The following COL6A2 variants were observed in gnomAD, a reference collection of about 807,000 sequenced individuals.
COL6A2 encodes the protein collagen alpha-2(VI) chain.
COL6A2 carries 90 observed loss-of-function variants against 124.9 expected under a neutral mutation model. That is an observed-to-expected ratio of 0.72 (90% CI 0.61 to 0.86). The LOEUF is 0.86. Ranked by LOEUF, COL6A2 falls within the 40% of genes least tolerant of loss-of-function variation. The pLI is 0.00. For synonymous variants in COL6A2, 793 were observed against 618.2 expected (o/e 1.28, Z -4.19); for missense variants, 1,607 against 1,502.5 (o/e 1.07, Z -1.15).
At position 46,112,112 on chromosome 21, in the gene COL6A2, C is replaced by T. The variant is rs151032529; in HGVS notation, c.249C>T (p.Asn83=). 7.4e-5 allele frequency: 120 copies of T among 1,613,114 alleles called. No individual in the cohort carries two copies. Among genetic ancestry groups the T allele is most frequent in the Non-Finnish European group, 8.9e-5 (105 of 1,180,058 alleles). ...FVPQFISQLQ[N]EFYLDQVALS... The stretch of plus-strand genomic sequence containing the variant: ...CGCAGTTCATCAGCCAGCTGCAGAA[C>T]GAGTTCTACCTGGACCAGGTGGCGC... The change falls in exon 3 of 28, where the codon AAC becomes AAT. Residue 83 remains asparagine, a synonymous_variant. Coordinates refer to ENST00000300527, the MANE Select transcript of COL6A2 (RefSeq NM_001849.4).
chr21:46,116,923 G>GCATACA lies in COL6A2; in HGVS notation c.999+112_999+117dup, dbSNP rs2078480928. ...TGTCAGCTTACACATGTGTACACACGCATACACACACACACACACACACAC... is the reference window on the plus strand; with the variant it reads ...TGTCAGCTTACACATGTGTACACACGCATACACATACACACACACACACACACACAC... On this transcript the variant is annotated intron_variant, in intron 10 of 27. Transcript: ENST00000300527. This position sits in a 1 kb window ranked among gnomAD's most constrained non-coding sequence, Gnocchi z 4.6. The GCATACA allele has an allele frequency of 3.1e-6, 2 of 643,316 alleles. No homozygotes were observed. Among genetic ancestry groups the GCATACA allele is most frequent in the African/African-American group, 3.4e-5 (1 of 29,752 alleles). 39.9% of individuals were successfully genotyped at this position (643,316 alleles called of 1,614,324 possible). A position where few individuals can be genotyped will look rare whatever the true frequency, so the allele number is the denominator to read the frequency against.
chr21:46,116,673 G>T lies in COL6A2; in HGVS notation c.950G>T (p.Arg317Leu). Reference protein sequence around the residue: ...GEKGEFGADGRKGAPGLAGKN... With the variant: ...GEKGEFGADGLKGAPGLAGKN... ...CAGGGTGAATTTGGAGCCGACGGTCGCAAGGTAGGCTGGCTGGGTAGGCAG... is the reference window on the plus strand; with the variant it reads ...CAGGGTGAATTTGGAGCCGACGGTCTCAAGGTAGGCTGGCTGGGTAGGCAG... Residue 317 changes from arginine to leucine, a missense_variant, in exon 9 of 28, where the codon CGC becomes CTC. Arg to Leu is a moderately radical substitution (Grantham distance 102, BLOSUM62 -2). Transcript: ENST00000300527. The surrounding 1 kb of genome is among the most constrained non-coding windows in gnomAD (Gnocchi z 4.6). The T allele has an allele frequency of 1.9e-6, 3 of 1,613,074 alleles. No homozygotes were observed. The highest frequency in any genetic ancestry group is 2.5e-6 in the Non-Finnish European group (3 of 1,180,024).
In COL6A2 at chr21:46,119,028, A is replaced by G. The variant is rs1601232289; in HGVS notation, c.1180-2A>G. ...TGACTGTGCTGTCCTCTCCTTCTTC[A>G]GGGGTATCAAGGCAACAGTGGAGCC... On this transcript the variant is annotated splice_acceptor_variant, in intron 13 of 27. Coordinates refer to ENST00000300527, the MANE Select transcript of COL6A2 (RefSeq NM_001849.4). LOFTEE classifies it high-confidence loss of function. 3 of 1,608,606 alleles carry G rather than the reference A, an allele frequency of 1.9e-6. No individual in the cohort carries two copies. Among genetic ancestry groups the G allele is most frequent in the Non-Finnish European group, 2.6e-6 (3 of 1,176,154 alleles).
At chr21:46,104,908 T>C (rs1353559937) in intron 1 of COL6A2, among the ~76,000 whole-genome samples, 1 of 152,196 alleles carries the variant, frequency 6.6e-6, no homozygotes, top group Non-Finnish European at 1.5e-5. Context: ...AAAAACTGTC[T>C]ACCAAGAAGC....
intron 16 of COL6A2, 69 bp downstream of exon 16, chr21:46,120,646 A>T: frequency 7.3e-7 from 1 of 1,374,816 alleles, no homozygotes; most frequent in Non-Finnish European, 9.7e-7. Flanking sequence ...CTGCACCCCA[A>T]GGTAGGGTGG....
intron 27 of COL6A2, chr21:46,129,510 G>C (rs1020315136): frequency 6.2e-5 from 95 of 1,532,044 alleles, no homozygotes; most frequent in African/African-American, 3.8e-4. Context: ...CACCCGCCCA[G>C]CCGGGCTGGG....
chr21:46,130,743 G>T (rs141850355), intron 27 of COL6A2, among the ~76,000 whole-genome samples: 1 of 152,206 alleles, frequency 6.6e-6, no homozygotes, highest in Non-Finnish European at 1.5e-5. Flanking sequence ...TTTTGAGGGG[G>T]TTTGGGAAGC....
intron 3 of COL6A2, 111 bp from the exon 4 acceptor site, chr21:46,112,693 C>G (rs757569381): frequency 6.3e-7 from 1 of 1,596,414 alleles, no homozygotes; most frequent in Non-Finnish European, 8.6e-7. Context: ...GAGGAAGCTC[C>G]GGGCAGGGCC....
chr21:46,122,409 G>A, intron 19 of COL6A2, 87 bp from the exon 20 acceptor site: 1 of 1,560,444 alleles, frequency 6.4e-7, no homozygotes. Context: ...GCGAGGGAGG[G>A]AAACGGGGCT....
rs149270353 is a variant in COL6A2 at position 46,128,220 on chromosome 21, C to T, written c.2461+1679C>T. Among the ~76,000 whole-genome samples the T allele has an allele frequency of 2.6e-5, 4 of 152,332 alleles. No individual in the cohort carries two copies. In the East Asian group the frequency reaches 7.7e-4, roughly 29 times the overall value. ...AGGGAGGACACGGAGGCCCTTGAAG[C>T]TCTGGCCTCTTCTGAGGCCTCCAGG... On this transcript the variant is annotated intron_variant, in intron 27 of 27. Transcript: ENST00000300527.
At chr21:46,117,369 C>T (rs771460560) in intron 10 of COL6A2, 31 bp from the exon 11 acceptor site, 3 of 1,609,808 alleles carry the variant, frequency 1.9e-6, no homozygotes, top group East Asian at 4.5e-5. Context: ...GAACCCCGCC[C>T]TGAGACTCCT....
chr21:46,110,978 A>G (rs2078390226), intron 1 of COL6A2, among the ~76,000 whole-genome samples: 1 of 152,170 alleles, frequency 6.6e-6, no homozygotes, highest in Admixed American at 6.5e-5. Flanking sequence ...AGTCCTGTTT[A>G]AAGGGAATGG....
At chr21:46,131,501 C>T (rs1158705375) in intron 27 of COL6A2, among the ~76,000 whole-genome samples, 1 of 152,222 alleles carries the variant, frequency 6.6e-6, no homozygotes, top group Non-Finnish European at 1.5e-5. Context: ...TCTAGGTGTT[C>T]TGAGCAGCTC....
chr21:46,119,141 C>T (rs2078522277), intron 14 of COL6A2, 22 bp downstream of exon 14: 2 of 1,582,146 alleles, frequency 1.3e-6, no homozygotes, highest in African/African-American at 1.3e-5. Flanking sequence ...CTGCCCCTGC[C>T]TCAGGGCCCC....
At chr21:46,113,655 C>T in intron 4 of COL6A2, 1 of 392,594 alleles carries the variant, frequency 2.5e-6, no homozygotes, top group Non-Finnish European at 4.9e-6. Flanking sequence ...TAACTCCTGG[C>T]CTCAAGCAGT....
At chr21:46,117,586 C>G in intron 11 of COL6A2, 133 bp downstream of exon 11, 1 of 946,898 alleles carries the variant, frequency 1.1e-6, no homozygotes, top group Non-Finnish European at 1.6e-6. Context: ...CCCAGCAGCC[C>G]CAGCCCAGCA....
chr21:46,100,304 A>G (rs1050369119), intron 1 of COL6A2, among the ~76,000 whole-genome samples: 3 of 151,584 alleles, frequency 2.0e-5, no homozygotes, highest in African/African-American at 7.3e-5. Flanking sequence ...TGCCCAGGCC[A>G]TGGATGTGTT....
At chr21:46,117,657 G>A in intron 11 of COL6A2, 1 of 740,378 alleles carries the variant, frequency 1.4e-6, no homozygotes. Context: ...GATCCCCGTG[G>A]CCTGGAGACC....
chr21:46,115,623 C>T (rs1055186160), intron 5 of COL6A2, among the ~76,000 whole-genome samples: 2 of 152,324 alleles, frequency 1.3e-5, no homozygotes, highest in Non-Finnish European at 2.9e-5. Context: ...CCCCAGGGGT[C>T]TCTTCTGGCT....
Sources: gnomAD v4.1 joint callset for allele counts (sites outside exome capture counted in the v4.1 genomes callset) on GRCh38, gnomAD v4.1.1 for gene constraint, Gnocchi (gnomAD v3.1) non-coding constraint, MANE v1.5 for transcripts, NCBI Gene and HGNC (gene_info 2026-07-23, HGNC 2026-07-21) for gene names.